The following WWOX variants were observed in gnomAD, a reference collection of about 807,000 sequenced individuals.
The protein encoded by WWOX is WW domain containing oxidoreductase, also known as WW domain-containing oxidoreductase.
WWOX carries 69 observed loss-of-function variants against 46.2 expected under a neutral mutation model. That is an observed-to-expected ratio of 1.49 (90% confidence interval 1.23 to 1.82). The LOEUF is 1.82. Ranked by LOEUF, WWOX falls within the 40% of genes most tolerant of loss-of-function variation. WWOX has a pLI of 0.00. For synonymous variants in WWOX, 359 were observed against 202.6 expected, an observed-to-expected ratio of 1.77 and a Z score of -6.56; for missense variants, 919 against 542.6, an observed-to-expected ratio of 1.69 and a Z score of -6.89.
intron 8 of WWOX, chr16:78,898,340 G>C (rs1459624398): frequency 6.6e-6 from 1 of 151,988 alleles, no homozygotes; most frequent in African/African-American, 2.4e-5. Flanking sequence ...TAATGGTAGA[G>C]GTTTATTTTT....
At chr16:79,139,143 C>T (rs112754454) in intron 8 of WWOX, among the ~76,000 whole-genome samples, 1 of 152,304 alleles carries the variant, frequency 6.6e-6, no homozygotes, top group African/African-American at 2.4e-5. Context: ...AATAGTAACT[C>T]ATAATAATAG....
intron 8 of WWOX, among the ~76,000 whole-genome samples, chr16:78,749,192 G>T (rs1044750286): frequency 2.6e-4 from 39 of 152,260 alleles, no homozygotes; most frequent in Middle Eastern, 3.4e-3. Context: ...GGGGTGACCT[G>T]TGTGCCATGC....
chr16:78,290,183 G>A (rs113993243), intron 5 of WWOX, among the ~76,000 whole-genome samples: 3,203 of 152,208 alleles, frequency 0.021, 121 homozygotes, highest in African/African-American at 0.073. Flanking sequence ...CCGAGGCCTT[G>A]GAATTGGTCA....
chr16:78,815,939 C>T (rs993252572), intron 8 of WWOX, among the ~76,000 whole-genome samples: 3 of 152,170 alleles, frequency 2.0e-5, no homozygotes, highest in African/African-American at 4.8e-5. Context: ...TGGCCCTGCT[C>T]TCTCTCGATG....
chr16:78,879,877 C>CA (rs11433743), intron 8 of WWOX, among the ~76,000 whole-genome samples: 92,203 of 145,730 alleles, frequency 0.63, 28,896 homozygotes, highest in East Asian at 0.74. Flanking sequence ...AACTCTGTCT[C>CA]AAAAAAAAAA....
chr16:78,126,169 G>A (rs2033352827), intron 4 of WWOX, among the ~76,000 whole-genome samples: 1 of 152,080 alleles, frequency 6.6e-6, no homozygotes, highest in Non-Finnish European at 1.5e-5. Flanking sequence ...ACATTCGGGT[G>A]GTTTCCAGCT....
chr16:78,988,251 G>A (rs1192627883), intron 8 of WWOX, among the ~76,000 whole-genome samples: 1 of 151,674 alleles, frequency 6.6e-6, no homozygotes, highest in Non-Finnish European at 1.5e-5. Flanking sequence ...GGCTGAGGCT[G>A]GAGAATCACT....
intron 5 of WWOX, among the ~76,000 whole-genome samples, chr16:78,253,653 A>G (rs547686944): frequency 1.9e-4 from 29 of 152,194 alleles, no homozygotes; most frequent in African/African-American, 3.6e-4. Flanking sequence ...GGGTGTTCCA[A>G]AGATATCGTA....
At chr16:78,402,726 C>T (rs746957539) in intron 6 of WWOX, among the ~76,000 whole-genome samples, 2 of 152,210 alleles carry the variant, frequency 1.3e-5, no homozygotes, top group Non-Finnish European at 2.9e-5. Flanking sequence ...TAAGAAGTGA[C>T]AGGCTGATTC....
intron 8 of WWOX, among the ~76,000 whole-genome samples, chr16:78,824,384 C>G (rs2051590112): frequency 6.6e-6 from 1 of 152,164 alleles, no homozygotes; most frequent in Admixed American, 6.5e-5. Context: ...GACTCTACAA[C>G]TCTGTTTTCC....
At chr16:78,104,335 G>A (rs949328984) in intron 1 of WWOX, among the ~76,000 whole-genome samples, 4 of 87,820 alleles carry the variant, frequency 4.6e-5, no homozygotes, top group Admixed American at 1.1e-4. Flanking sequence ...AAAAACACAC[G>A]CACGCACGCA....
intron 8 of WWOX, among the ~76,000 whole-genome samples, chr16:78,474,414 A>T (rs535867507): frequency 6.6e-6 from 1 of 152,362 alleles, no homozygotes; most frequent in South Asian, 2.1e-4. Context: ...TTTTGTAGTG[A>T]TGAAGAAAGC....
chr16:78,109,649 T>C, intron 2 of WWOX, 129 bp from the exon 3 acceptor site: 1 of 859,884 alleles, frequency 1.2e-6, no homozygotes. Context: ...GAAAGCCAGT[T>C]GATGTGACAA....
chr16:78,971,248 G>C (rs1169470801), intron 8 of WWOX, among the ~76,000 whole-genome samples: 1 of 151,772 alleles, frequency 6.6e-6, no homozygotes, highest in African/African-American at 2.4e-5. Context: ...ATCACTTGTT[G>C]AGGTCAGGAG....
At chr16:78,296,261 G>C (rs755522) in intron 5 of WWOX, among the ~76,000 whole-genome samples, 12,037 of 151,554 alleles carry the variant, frequency 0.079, 1,469 homozygotes, top group African/African-American at 0.26. Context: ...TGGATGTACC[G>C]CCACAGATGT....
intron 4 of WWOX, chr16:78,123,468 GTT>G (rs1368575694): frequency 1.9e-5 from 1 of 51,834 alleles, no homozygotes; most frequent in African/African-American, 8.3e-5. Flanking sequence ...TTTTTTTTTT[GTT>G]TTTTTGAGAT....
intron 4 of WWOX, among the ~76,000 whole-genome samples, chr16:78,147,227 T>C (rs924720114): frequency 2.6e-5 from 4 of 152,236 alleles, no homozygotes; most frequent in African/African-American, 7.2e-5. Context: ...TTAGTGTTTT[T>C]CTATTAAACT....
chr16:78,130,252 C>T (rs527343468), intron 4 of WWOX: 2 of 152,326 alleles, frequency 1.3e-5, no homozygotes, highest in African/African-American at 4.8e-5. Flanking sequence ...GTGATTAGAT[C>T]ATGAGGGTGG....
At chr16:78,441,948 A>G (rs1038267726) in intron 8 of WWOX, among the ~76,000 whole-genome samples, 5 of 147,190 alleles carry the variant, frequency 3.4e-5, no homozygotes, top group African/African-American at 1.3e-4. Context: ...AAAATTTCAT[A>G]TATGCGCATG....
Sources: gnomAD v4.1 joint callset for allele counts (sites outside exome capture counted in the v4.1 genomes callset) on GRCh38, gnomAD v4.1.1 for gene constraint, MANE v1.5 for transcripts, NCBI Gene and HGNC (gene_info 2026-07-23, HGNC 2026-07-21) for gene names.